TNRC6B: variants seen among roughly 807,000 people sequenced by gnomAD.
TNRC6B encodes trinucleotide repeat-containing gene 6B protein.
Under a neutral mutation model 203.6 loss-of-function variants are expected in TNRC6B, and 52 were observed. The observed-to-expected ratio is 0.26, with a 90% CI of 0.20 to 0.32. The LOEUF (loss-of-function observed/expected upper bound fraction) is 0.32. Ranked by LOEUF, TNRC6B falls within the 10% of genes least tolerant of loss-of-function variation. The pLI is 1.00. For missense variants in TNRC6B, 1,923 were observed against 2,286.2 expected (o/e 0.84, Z 3.24); for synonymous variants, 838 against 845.7 (o/e 0.99, Z 0.16).
At chr22:40,249,596 A>G (rs2070156639) in intron 2 of TNRC6B, among the ~76,000 whole-genome samples, 1 of 152,228 alleles carries the variant, frequency 6.6e-6, no homozygotes, top group African/African-American at 2.4e-5. Context: ...AACAGAACCC[A>G]CATGATAAAA....
At chr22:40,186,272 G>A (rs772220389) in intron 1 of TNRC6B, among the ~76,000 whole-genome samples, 10 of 152,134 alleles carry the variant, frequency 6.6e-5, no homozygotes, top group Non-Finnish European at 1.3e-4. Flanking sequence ...GGTGTGGGCA[G>A]CAGTTCAAAT....
At chr22:40,103,247 G>A (rs750585213) in intron 1 of TNRC6B, among the ~76,000 whole-genome samples, 13 of 149,900 alleles carry the variant, frequency 8.7e-5, no homozygotes, top group Admixed American at 3.3e-4. Flanking sequence ...CAGCCTGGGC[G>A]ACAGAATGAC....
chr22:40,083,545 C>T (rs57663915), intron 1 of TNRC6B, among the ~76,000 whole-genome samples: 6,698 of 152,002 alleles, frequency 0.044, 446 homozygotes, highest in African/African-American at 0.14. Flanking sequence ...AAGAGTGATA[C>T]AGAGTCAAAG....
chr22:40,106,558 C>T, intron 1 of TNRC6B: 4 of 729,992 alleles, frequency 5.5e-6, no homozygotes, highest in African/African-American at 1.7e-5. Flanking sequence ...TGTTATCTGT[C>T]AAAGCAATTC....
At chr22:40,166,430 TC>T (rs2068920023) in intron 4 of TNRC6B, among the ~76,000 whole-genome samples, 1 of 150,986 alleles carries the variant, frequency 6.6e-6, no homozygotes, top group Non-Finnish European at 1.5e-5. Context: ...CATGCTATAC[TC>T]TTTTTTTTTT....
chr22:40,242,151 C>G (rs2070036981), intron 1 of TNRC6B, among the ~76,000 whole-genome samples: 1 of 151,494 alleles, frequency 6.6e-6, no homozygotes, highest in South Asian at 2.1e-4. Context: ...TTCTCCAGCC[C>G]TCAGAGTGAC....
intron 1 of TNRC6B, among the ~76,000 whole-genome samples, chr22:40,239,245 G>A (rs1214786676): frequency 6.6e-6 from 1 of 152,166 alleles, no homozygotes; most frequent in African/African-American, 2.4e-5. Context: ...GACAATAAAT[G>A]TTTGTTAAAG....
At chr22:40,148,031 G>A (rs1168217104) in intron 3 of TNRC6B, among the ~76,000 whole-genome samples, 2 of 152,104 alleles carry the variant, frequency 1.3e-5, no homozygotes, top group Non-Finnish European at 2.9e-5. Context: ...GAACTTTATG[G>A]CATATAGGTT....
intron 12 of TNRC6B, among the ~76,000 whole-genome samples, chr22:40,297,999 C>T (rs1007379442): frequency 6.6e-6 from 1 of 151,116 alleles, no homozygotes; most frequent in African/African-American, 2.4e-5. Context: ...GTGGCAGGCA[C>T]CTGTAGTCCC....
chr22:40,071,237 C>A (rs2067944406), intron 1 of TNRC6B, among the ~76,000 whole-genome samples: 1 of 152,142 alleles, frequency 6.6e-6, no homozygotes, highest in Non-Finnish European at 1.5e-5. Flanking sequence ...TTGCCACTGT[C>A]CCCTGATACC....
intron 4 of TNRC6B, among the ~76,000 whole-genome samples, chr22:40,171,093 T>C (rs1330989535): frequency 6.7e-6 from 1 of 149,674 alleles, no homozygotes; most frequent in Non-Finnish European, 1.5e-5. Context: ...TATATATGTA[T>C]GTATAGGAAT....
rs535538463 is a variant in TNRC6B at position 40,096,380 on chromosome 22, A to G, written c.-120-20675A>G. 4.6e-5 allele frequency among the ~76,000 whole-genome samples: 7 copies of G among 152,364 alleles called. No homozygotes were observed. In the East Asian group the frequency reaches 1.3e-3, roughly 29 times the overall value. ...ATTCCCACATAGCGTTACCTCTTTT[A>G]GAAGCATCTACATTTCCTGCAGAGA... On this transcript the variant is annotated intron_variant, in intron 1 of 23. Transcript: ENST00000301923.
Position 40,323,320 on chromosome 22 carries a change from T to C in TNRC6B, c.*79T>C. 6.8e-7 allele frequency: 1 copy of C among 1,467,350 alleles called. No homozygotes were observed. The highest frequency in any genetic ancestry group is 2.4e-5 in the Admixed American group (1 of 42,246). 90.9% of individuals were successfully genotyped at this position (1,467,350 alleles called of 1,614,324 possible). ...TAACTTGACCTTTTCGTTTTTTTTT[T>C]CAACTTGCAATAAATACATTTTTAA... On this transcript the variant is annotated 3_prime_UTR_variant, in exon 23 of 23. Transcript: ENST00000454349.
rs1569071595 is a variant in TNRC6B at position 40,324,280 on chromosome 22, GTTTATTTCTGTTTTTTT to G, written c.*1043_*1059del. On this transcript the variant is annotated 3_prime_UTR_variant, in exon 23 of 23. Coordinates refer to ENST00000454349, the MANE Select transcript of TNRC6B (RefSeq NM_001162501.2). The stretch of plus-strand genomic sequence containing the variant: ...GAGGTACCTCTTGGAGCAACGGTGT[GTTTATTTCTGTTTTTTT>G]TTTTTTTTAAGTGAATGGCCACCAG... 6.7e-6 allele frequency: 1 copy of G among 149,956 alleles called. No homozygotes were observed. The highest frequency in any genetic ancestry group is 1.5e-5 in the Non-Finnish European group (1 of 67,580). The allele number at this position is 149,956 out of a possible 1,614,324, so 9.3% of individuals were successfully genotyped here. A position where few individuals can be genotyped will look rare whatever the true frequency, so the allele number is the denominator to read the frequency against.
intron 1 of TNRC6B, among the ~76,000 whole-genome samples, chr22:40,083,271 C>G (rs1053474525): frequency 6.6e-6 from 1 of 151,976 alleles, no homozygotes; most frequent in Non-Finnish European, 1.5e-5. Context: ...GGACAGTGTT[C>G]AGTAATTATT....
At chr22:40,315,570 A>T in intron 20 of TNRC6B, 63 bp downstream of exon 20, 1 of 1,533,694 alleles carries the variant, frequency 6.5e-7, no homozygotes, top group Non-Finnish European at 8.9e-7. Context: ...GTTAACACAG[A>T]TGGTGAAGAC....
rs570479050 is a variant in TNRC6B at position 40,154,093 on chromosome 22, CCT to C, written c.46-2021_46-2020del. ...TGAACTCCTAGGCTCAATTGATTCT[CCT>C]GCCTCTGTCCCCCGAAGTAGCTGGG... On this transcript the variant is annotated intron_variant, in intron 3 of 23. Transcript: ENST00000301923. Among the ~76,000 whole-genome samples, 522 of 151,910 alleles carry C rather than the reference CCT, an allele frequency of 3.4e-3. 4 individuals carry two copies. The highest frequency in any genetic ancestry group is 0.012 in the African/African-American group (495 of 41,446).
intron 3 of TNRC6B, among the ~76,000 whole-genome samples, chr22:40,132,943 C>CAA (rs71199270): frequency 4.2e-4 from 10 of 23,862 alleles, no homozygotes; most frequent in Admixed American, 2.4e-3. Context: ...GACTCTGTCT[C>CAA]AAAAAAAAAA....
chr22:40,211,958 T>C (rs958123009), intron 1 of TNRC6B, among the ~76,000 whole-genome samples: 19 of 152,194 alleles, frequency 1.2e-4, no homozygotes, highest in African/African-American at 4.6e-4. Context: ...TCCTGCTGGA[T>C]AGTCTTTCTT....
Sources: gnomAD v4.1 joint callset for allele counts (sites outside exome capture counted in the v4.1 genomes callset) on GRCh38, gnomAD v4.1.1 for gene constraint, MANE v1.5 for transcripts, NCBI Gene and HGNC (gene_info 2026-07-23, HGNC 2026-07-21) for gene names.